The following ZNF341 variants were observed in gnomAD, a reference collection of about 807,000 sequenced individuals.
ZNF341 encodes zinc finger protein 341.
ZNF341 carries 52 observed loss-of-function variants against 87.7 expected under a neutral mutation model. The observed-to-expected ratio is 0.59, with a 90% CI of 0.47 to 0.75. The LOEUF is 0.75. Among genes scored for constraint, ZNF341 ranks in the 30% least tolerant of loss-of-function variants. ZNF341 has a pLI of 0.00. For missense variants in ZNF341, 977 were observed against 1,145.9 expected, an observed-to-expected ratio of 0.85 and a Z score of 2.13; for synonymous variants, 459 against 472.7, an observed-to-expected ratio of 0.97 and a Z score of 0.38.
intron 1 of ZNF341, among the ~76,000 whole-genome samples, chr20:33,737,852 T>G (rs899073462): frequency 5.9e-5 from 9 of 151,988 alleles, no homozygotes; most frequent in Non-Finnish European, 1.3e-4. Flanking sequence ...AATAATGATG[T>G]TGGGGCCAGG....
chr20:33,782,754 C>T (rs2019769977), intron 11 of ZNF341, among the ~76,000 whole-genome samples: 1 of 152,160 alleles, frequency 6.6e-6, no homozygotes. Flanking sequence ...GTGCCCGTGA[C>T]CAACGCTCTA....
intron 2 of ZNF341, among the ~76,000 whole-genome samples, chr20:33,743,934 CTGTTATATG>C (rs1251305188): frequency 3.9e-5 from 6 of 152,188 alleles, no homozygotes; most frequent in Non-Finnish European, 7.3e-5. Context: ...GATAAGAAAA[CTGTTATATG>C]ATAGGTGTGC....
rs528553784 is a variant in ZNF341 at position 33,741,022 on chromosome 20, T to C, written c.142+10T>C. The C allele has an allele frequency of 6.2e-7, 1 of 1,612,590 alleles. No individual in the cohort carries two copies. The highest frequency in any genetic ancestry group is 1.3e-5 in the African/African-American group (1 of 75,018). Reference sequence around the variant, plus strand: ...GCTATCCAGCCATTGGGTGAGTATCTGCTCAGGTTCACCGGTGGGAGAGTG... The same window carrying C: ...GCTATCCAGCCATTGGGTGAGTATCCGCTCAGGTTCACCGGTGGGAGAGTG... On this transcript the variant is annotated intron_variant, in intron 2 of 14. Transcript: ENST00000375200.
Position 33,732,027 on chromosome 20 carries a change from G to A in ZNF341, c.6G>A (p.Ala2=), listed in dbSNP as rs762201417. 2.0e-5 allele frequency: 29 copies of A among 1,415,048 alleles called. 1 individual carries two copies. The South Asian group carries it at 3.6e-4, about 18-fold the overall frequency. 87.7% of individuals were successfully genotyped at this position (1,415,048 alleles called of 1,614,324 possible). A position where few individuals can be genotyped will look rare whatever the true frequency, so the allele number is the denominator to read the frequency against. Residue 2 remains alanine, a synonymous_variant, in exon 1 of 15, where the codon GCG becomes GCA. Coordinates refer to ENST00000375200, the MANE Select transcript of ZNF341 (RefSeq NM_001282933.2). This position sits in a 1 kb window ranked among gnomAD's most constrained non-coding sequence, Gnocchi z 4.5. Reference sequence around the variant, plus strand: ...GCGACGGCGGCGGCTCCAAGATGGCGCAGGCGATCTTTGAGGCCCTGGAGG... The same window carrying A: ...GCGACGGCGGCGGCTCCAAGATGGCACAGGCGATCTTTGAGGCCCTGGAGG... M[A]QAIFEALEGM... is the part of the protein sequence containing the mutation.
chr20:33,778,216 T>TAAAAAAAAA (rs922558076), intron 10 of ZNF341, among the ~76,000 whole-genome samples: 3 of 152,224 alleles, frequency 2.0e-5, no homozygotes, highest in African/African-American at 7.2e-5. Context: ...ACCAGCTAGT[T>TAAAAAAAAA]AAGTCTCTGC....
At position 33,732,168 on chromosome 20, in the gene ZNF341, C is replaced by T; in HGVS notation, c.31+116C>T. The T allele has an allele frequency of 1.2e-6, 1 of 828,106 alleles. No homozygotes were observed. The highest frequency in any genetic ancestry group is 1.5e-6 in the Non-Finnish European group (1 of 687,208). The allele number at this position is 828,106 out of a possible 1,614,324, so 51.3% of individuals were successfully genotyped here. A position where few individuals can be genotyped will look rare whatever the true frequency, so the allele number is the denominator to read the frequency against. On this transcript the variant is annotated intron_variant, in intron 1 of 14. Transcript: ENST00000375200. This position sits in a 1 kb window ranked among gnomAD's most constrained non-coding sequence, Gnocchi z 4.5. ...GGCCGCGGGGCGGAGGGCGCCGGGG[C>T]TGGAACAGCCGCGGGGCGGGAGGGG...
chr20:33,758,475 T>C (rs1023170930), intron 6 of ZNF341, among the ~76,000 whole-genome samples: 17 of 152,202 alleles, frequency 1.1e-4, no homozygotes, highest in Middle Eastern at 3.4e-3. Context: ...AGCGTGGATT[T>C]GATTGTAGGG....
intron 8 of ZNF341, among the ~76,000 whole-genome samples, chr20:33,764,483 G>A (rs892568285): frequency 5.6e-5 from 8 of 141,882 alleles, no homozygotes; most frequent in Admixed American, 1.4e-4. Flanking sequence ...ATATGTGTAT[G>A]TGTGTATATA....
chr20:33,774,854 G>C (rs1487387365), intron 10 of ZNF341, among the ~76,000 whole-genome samples: 1 of 152,100 alleles, frequency 6.6e-6, no homozygotes, highest in African/African-American at 2.4e-5. Flanking sequence ...TGTAGTCCCA[G>C]TTACTTGGGA....
At chr20:33,786,892 C>T (rs34808007) in intron 12 of ZNF341, among the ~76,000 whole-genome samples, 18,098 of 149,724 alleles carry the variant, frequency 0.12, 1,428 homozygotes, top group Admixed American at 0.23. Context: ...TGCCTGAACC[C>T]AGGAGATGGA....
At chr20:33,761,163 T>C (rs878889840) in intron 7 of ZNF341, among the ~76,000 whole-genome samples, 80 of 152,208 alleles carry the variant, frequency 5.3e-4, no homozygotes, top group African/African-American at 1.4e-3. Flanking sequence ...TTATTTTAAG[T>C]TTTAAAAAAG....
Position 33,766,913 on chromosome 20 carries a change from G to C in ZNF341, c.1285G>C (p.Glu429Gln). 6.2e-7 allele frequency: 1 copy of C among 1,614,202 alleles called. No individual in the cohort carries two copies. The highest frequency in any genetic ancestry group is 8.5e-7 in the Non-Finnish European group (1 of 1,180,034). Residue 429 changes from glutamate (E) to glutamine (Q), a missense_variant, in exon 9 of 15, where the codon GAG becomes CAG. Glu to Gln is a conservative substitution (Grantham distance 29). Around this residue, in one of 3 missense-constraint regions of ZNF341, gnomAD observed 515 missense variants for 598.2 expected, o/e 0.86. Transcript: ENST00000375200. The stretch of plus-strand genomic sequence containing the variant: ...GGCCTTGTCCACAGCTGGTGAGGAA[G>C]AGGGGGACAAGCCGGAGTCCAAGCA... Reference protein sequence around the residue: ...PQALSTAGEEEGDKPESKQVV... With the variant: ...PQALSTAGEEQGDKPESKQVV...
chr20:33,733,285 C>T (rs1038505529), intron 1 of ZNF341, among the ~76,000 whole-genome samples: 2 of 148,912 alleles, frequency 1.3e-5, no homozygotes, highest in African/African-American at 5.0e-5. Context: ...GTGGAGCGAT[C>T]TCGGCTCACT....
rs1392301826 is a variant in ZNF341, at chr20:33,791,112, T to C, written c.2160T>C (p.Phe720=). The part of the protein sequence containing the change: ...KFRCAGCAKG[F]SRHKYLKDHR... ...GCTGTGCTGGCTGCGCCAAGGGCTT[T>C]TCCCGCCACAAATACCTCAAAGATC... The change falls in exon 15 of 15, where the codon TTT becomes TTC. Residue 720 remains phenylalanine, a synonymous_variant. Transcript: ENST00000375200. The C allele has an allele frequency of 1.2e-6, 2 of 1,612,948 alleles. No homozygotes were observed. Among genetic ancestry groups the C allele is most frequent in the African/African-American group, 1.3e-5 (1 of 74,922 alleles).
chr20:33,780,258 A>G (rs1220989136), intron 10 of ZNF341, among the ~76,000 whole-genome samples: 2 of 152,092 alleles, frequency 1.3e-5, no homozygotes, highest in African/African-American at 2.4e-5. Flanking sequence ...AGGTAGGTCA[A>G]GGAGGCCAGG....
intron 14 of ZNF341, among the ~76,000 whole-genome samples, chr20:33,789,926 C>CT (rs2019963036): frequency 6.6e-6 from 1 of 152,108 alleles, no homozygotes; most frequent in Non-Finnish European, 1.5e-5. Context: ...CAGGAAGCTT[C>CT]TTTGATAGGG....
chr20:33,760,612 C>T (rs2019271112), intron 7 of ZNF341, among the ~76,000 whole-genome samples: 1 of 151,708 alleles, frequency 6.6e-6, no homozygotes, highest in African/African-American at 2.4e-5. Context: ...GGTGCAATCT[C>T]AGCTCACTGC....
intron 9 of ZNF341, among the ~76,000 whole-genome samples, chr20:33,768,410 A>G (rs1001628477): frequency 1.3e-5 from 2 of 148,684 alleles, no homozygotes; most frequent in African/African-American, 5.0e-5. Flanking sequence ...GGTGTGAGCC[A>G]CCGCGCCCAG....
Position 33,791,706 on chromosome 20 carries a change from C to T in ZNF341, c.*189C>T. 1 of 636,070 alleles carries T rather than the reference C, an allele frequency of 1.6e-6. No homozygotes were observed. The highest frequency in any genetic ancestry group is 2.7e-5 in the South Asian group (1 of 36,916). 39.4% of individuals were successfully genotyped at this position (636,070 alleles called of 1,614,324 possible). A position where few individuals can be genotyped will look rare whatever the true frequency, so the allele number is the denominator to read the frequency against. On this transcript the variant is annotated 3_prime_UTR_variant, in exon 15 of 15. Coordinates refer to ENST00000375200, the MANE Select transcript of ZNF341 (RefSeq NM_001282933.2). ...TGTGCCCCTCTCCTGCCGGAAAGCC[C>T]TGCAACATTCTAGGGTTGGGGGCAG...
Sources: allele counts gnomAD v4.1 joint callset (sites outside exome capture counted in the v4.1 genomes callset), GRCh38; gene constraint gnomAD v4.1.1; regional missense constraint gnomAD v4.1.1; non-coding constraint Gnocchi (gnomAD v3.1); transcripts MANE v1.5; gene names NCBI Gene and HGNC (gene_info 2026-07-23, HGNC 2026-07-21).